Variants in ACTN4 observed in about 807,000 individuals in gnomAD.
The protein encoded by ACTN4 is actinin alpha 4.
In ACTN4, 18 loss-of-function variants were observed where a neutral mutation model predicts 114.2. That is an observed-to-expected ratio of 0.16 (90% CI 0.11 to 0.23). The LOEUF (loss-of-function observed/expected upper bound fraction) is 0.23. Ranked by LOEUF, ACTN4 falls within the 10% of genes least tolerant of loss-of-function variation. ACTN4 has a pLI of 1.00. For missense variants in ACTN4, 722 were observed against 1,262.9 expected, an observed-to-expected ratio of 0.57 and a Z score of 6.49; for synonymous variants, 515 against 506.3, an observed-to-expected ratio of 1.02 and a Z score of -0.23.
At chr19:38,721,063 G>A (rs955462416) in intron 11 of ACTN4, among the ~76,000 whole-genome samples, 1 of 152,212 alleles carries the variant, frequency 6.6e-6, no homozygotes, top group Non-Finnish European at 1.5e-5. Context: ...GCACTTAGAC[G>A]TGGAGAGGAC....
At chr19:38,687,076 G>C (rs1339062500) in intron 1 of ACTN4, among the ~76,000 whole-genome samples, 1 of 150,116 alleles carries the variant, frequency 6.7e-6, no homozygotes, top group Non-Finnish European at 1.5e-5. Flanking sequence ...CGATTCTCTT[G>C]CCTCAGCCTC....
intron 1 of ACTN4, among the ~76,000 whole-genome samples, chr19:38,687,478 A>G (rs901796969): frequency 6.6e-5 from 10 of 152,226 alleles, no homozygotes; most frequent in Non-Finnish European, 1.0e-4. Flanking sequence ...GGTCCCATAC[A>G]TCTATTGTCA....
intron 8 of ACTN4, among the ~76,000 whole-genome samples, chr19:38,712,934 C>T (rs984078775): frequency 7.9e-5 from 12 of 152,068 alleles, no homozygotes; most frequent in Non-Finnish European, 8.8e-5. Context: ...AGGCACTGGG[C>T]CTGGAGGCTT....
At position 38,730,929 on chromosome 19, in the gene ACTN4, G is replaced by A. The variant is rs1264850887; in HGVS notation, c.*1497G>A. On this transcript the variant is annotated 3_prime_UTR_variant, in exon 21 of 21. Transcript: ENST00000252699. ...CTTGAGGCAGGGAGCTCGCAGGACA[G>A]AGCCTGAGCCACCCTGTCCCTCCCA... is the stretch of plus-strand genomic sequence containing the variant. 2.6e-6 allele frequency: 4 copies of A among 1,550,428 alleles called. No individual in the cohort carries two copies. Among genetic ancestry groups the A allele is most frequent in the African/African-American group, 2.7e-5 (2 of 73,052 alleles).
At position 38,724,431 on chromosome 19, in the gene ACTN4, G is replaced by A. The variant is rs756865484; in HGVS notation, c.1876G>A (p.Val626Met). 2.5e-6 allele frequency: 4 copies of A among 1,613,296 alleles called. No individual in the cohort carries two copies. The Admixed American group carries it at 6.7e-5, about 27-fold the overall frequency. ...PQIINSKWEK[V>M]QQLVPKRDHA... Reference sequence around the variant, plus strand: ...TCCCACACCGCGTCTCCTCTGCCAGGTGCAGCAGCTGGTGCCAAAACGGGA... The same window carrying A: ...TCCCACACCGCGTCTCCTCTGCCAGATGCAGCAGCTGGTGCCAAAACGGGA... The change falls in exon 16 of 21, where the codon GTG becomes ATG. Residue 626 changes from valine (V) to methionine (M), a missense_variant and splice_region_variant. This residue lies in a region of ACTN4 where 523 missense variants were observed against 875.9 expected (regional missense o/e 0.60). Transcript: ENST00000252699. The surrounding 1 kb of genome is among the most constrained non-coding windows in gnomAD (Gnocchi z 7.0).
At chr19:38,703,000 C>T (rs1034649304) in intron 3 of ACTN4, among the ~76,000 whole-genome samples, 2 of 152,126 alleles carry the variant, frequency 1.3e-5, no homozygotes, top group Non-Finnish European at 2.9e-5. Context: ...GCAGCAGTGG[C>T]GCCCCTCTGT....
chr19:38,723,638 C>T lies in ACTN4; in HGVS notation c.1467C>T (p.His489=), dbSNP rs200623231. 2 of 1,613,314 alleles carry T rather than the reference C, an allele frequency of 1.2e-6. No homozygotes were observed. The highest frequency in any genetic ancestry group is 1.7e-6 in the Non-Finnish European group (2 of 1,179,732). ...GCGAGCTGGATTACTACGACTCCCA[C>T]AATGTCAACACCCGGTGCCAGAAGA... ...ELNELDYYDS[H]NVNTRCQKIC... Residue 489 remains histidine, a synonymous_variant, in exon 13 of 21, where the codon CAC becomes CAT. Coordinates refer to ENST00000252699, the MANE Select transcript of ACTN4 (RefSeq NM_004924.6).
chr19:38,701,266 CACA>C (rs1404523223), intron 3 of ACTN4, 145 bp downstream of exon 3: 4 of 1,352,590 alleles, frequency 3.0e-6, no homozygotes, highest in East Asian at 2.5e-5. Context: ...CAGCAGTGAT[CACA>C]ACAACTGCTC....
Position 38,717,130 on chromosome 19 carries a change from T to A in ACTN4, c.957T>A (p.Arg319=). 1 of 1,614,150 alleles carries A rather than the reference T, an allele frequency of 6.2e-7. No homozygotes were observed. Among genetic ancestry groups the A allele is most frequent in the Non-Finnish European group, 8.5e-7 (1 of 1,180,040 alleles). The change falls in exon 10 of 21, where the codon CGT becomes CGA. Residue 319 remains arginine (R), a synonymous_variant. Transcript: ENST00000252699. The surrounding 1 kb of genome is among the most constrained non-coding windows in gnomAD (Gnocchi z 4.0). ...IRRTIPWLED[R]VPQKTIQEMQ... Reference sequence around the variant, plus strand: ...GCACCATCCCCTGGCTGGAGGACCGTGTGCCCCAAAAGACTATCCAGGAGA... The same window carrying A: ...GCACCATCCCCTGGCTGGAGGACCGAGTGCCCCAAAAGACTATCCAGGAGA...
chr19:38,696,600 C>T (rs374935204), intron 1 of ACTN4, among the ~76,000 whole-genome samples: 8 of 152,206 alleles, frequency 5.3e-5, no homozygotes, highest in East Asian at 3.9e-4. Flanking sequence ...GAGAAGTGGC[C>T]GTCATGGTCG....
chr19:38,693,611 A>T (rs1261929556), intron 1 of ACTN4: 1 of 152,104 alleles, frequency 6.6e-6, no homozygotes, highest in Non-Finnish European at 1.5e-5. Context: ...TGAGGGAGGG[A>T]ATCATTGATG....
intron 1 of ACTN4, among the ~76,000 whole-genome samples, chr19:38,679,235 C>G (rs1967472210): frequency 6.6e-6 from 1 of 152,164 alleles, no homozygotes; most frequent in African/African-American, 2.4e-5. Context: ...CCCCACAAGT[C>G]CACTGAGTCT....
At chr19:38,666,543 C>T (rs1029591995) in intron 1 of ACTN4, among the ~76,000 whole-genome samples, 5 of 152,224 alleles carry the variant, frequency 3.3e-5, no homozygotes, top group African/African-American at 4.8e-5. Flanking sequence ...GTGGGATCCA[C>T]GTGCCAGGAG....
intron 1 of ACTN4, among the ~76,000 whole-genome samples, chr19:38,657,243 A>G (rs1976738335): frequency 6.6e-6 from 1 of 152,046 alleles, no homozygotes; most frequent in South Asian, 2.1e-4. Flanking sequence ...CCCCGGTTCA[A>G]GTGATTCTCC....
In ACTN4 at chr19:38,730,902, G is replaced by A; in HGVS notation, c.*1470G>A. On this transcript the variant is annotated 3_prime_UTR_variant, in exon 21 of 21. Coordinates refer to ENST00000252699, the MANE Select transcript of ACTN4 (RefSeq NM_004924.6). ...CACTAAGGAAGAGAAGGAAGACAGT[G>A]GCTTGAGGCAGGGAGCTCGCAGGAC... is the stretch of plus-strand genomic sequence containing the variant. The A allele has an allele frequency of 6.4e-7, 1 of 1,551,112 alleles. No homozygotes were observed. The highest frequency in any genetic ancestry group is 8.7e-7 in the Non-Finnish European group (1 of 1,147,218).
chr19:38,725,809 A>G lies in ACTN4; in HGVS notation c.2096A>G (p.Asp699Gly). 6.2e-7 allele frequency: 1 copy of G among 1,614,176 alleles called. No homozygotes were observed. The highest frequency in any genetic ancestry group is 8.5e-7 in the Non-Finnish European group (1 of 1,180,038). The change falls in exon 17 of 21, where the codon GAC becomes GGC. Residue 699 changes from aspartate (D) to glycine (G), a missense_variant. By Grantham distance (94) the Asp-to-Gly change is moderately conservative. Coordinates refer to ENST00000252699, the MANE Select transcript of ACTN4 (RefSeq NM_004924.6). The stretch of plus-strand genomic sequence containing the variant: ...AAGCAGTATGAACGCAGCATCGTGG[A>G]CTACAAGCCCAACCTGGACCTGCTG... ...HLKQYERSIV[D>G]YKPNLDLLEQ...
chr19:38,728,507 C>T (rs944355285), intron 19 of ACTN4: 1 of 676,334 alleles, frequency 1.5e-6, no homozygotes, highest in African/African-American at 1.8e-5. Context: ...GGACACTCCT[C>T]CGCCCGAGCA....
rs1351667979 is a variant in ACTN4 at position 38,731,445 on chromosome 19, G to A, written c.*2013G>A. On this transcript the variant is annotated 3_prime_UTR_variant, in exon 21 of 21. Coordinates refer to ENST00000252699, the MANE Select transcript of ACTN4 (RefSeq NM_004924.6). ...ACAGCCCCGACCCCATAGGGTGTGT[G>A]AAGACAGAACGCTCAGGACAGCGTC... is the stretch of plus-strand genomic sequence containing the variant. The A allele has an allele frequency of 1.7e-6, 1 of 586,428 alleles. No individual in the cohort carries two copies. Among genetic ancestry groups the A allele is most frequent in the Non-Finnish European group, 3.1e-6 (1 of 325,578 alleles). The allele number at this position is 586,428 out of a possible 1,614,324, so 36.3% of individuals were successfully genotyped here.
chr19:38,723,764 G>A, intron 13 of ACTN4, 42 bp downstream of exon 13: 1 of 1,533,060 alleles, frequency 6.5e-7, no homozygotes, highest in South Asian at 1.1e-5. Context: ...CTGTGCCCCT[G>A]CTGCCCCGGG....
Sources: allele counts gnomAD v4.1 joint callset (sites outside exome capture counted in the v4.1 genomes callset), GRCh38; gene constraint gnomAD v4.1.1; regional missense constraint gnomAD v4.1.1; non-coding constraint Gnocchi (gnomAD v3.1); transcripts MANE v1.5; gene names NCBI Gene and HGNC (gene_info 2026-07-23, HGNC 2026-07-21).